TMEM154: variants seen among roughly 807,000 people sequenced by gnomAD.
TMEM154 encodes the protein transmembrane protein 154.
Under a neutral mutation model 24.5 loss-of-function variants are expected in TMEM154, and 27 were observed. The observed-to-expected ratio is 1.10, with a 90% CI of 0.81 to 1.52. The LOEUF (loss-of-function observed/expected upper bound fraction) is 1.52, where lower values mean the gene tolerates loss of function less well. Among genes scored for constraint, TMEM154 ranks in the 40% most tolerant of loss-of-function variants. The pLI, the probability that TMEM154 is intolerant of heterozygous loss-of-function variation, is 0.00. For synonymous variants in TMEM154, 67 were observed against 76.8 expected, an observed-to-expected ratio of 0.87 and a Z score of 0.67; for missense variants, 228 against 213.4, an observed-to-expected ratio of 1.07 and a Z score of -0.43.
chr4:152,663,705 A>T (rs1313019893), intron 1 of TMEM154, among the ~76,000 whole-genome samples: 1 of 152,198 alleles, frequency 6.6e-6, no homozygotes, highest in Non-Finnish European at 1.5e-5. Context: ...TTTTAAAGAG[A>T]TAATGGAAGT....
At chr4:152,647,446 C>T (rs1728274785) in intron 3 of TMEM154, 1 of 512,240 alleles carries the variant, frequency 2.0e-6, no homozygotes, top group South Asian at 8.3e-5. Flanking sequence ...TGTGTTAAAG[C>T]ATTGGCTGAT....
chr4:152,645,668 G>C (rs56269525), intron 3 of TMEM154, among the ~76,000 whole-genome samples: 2 of 152,200 alleles, frequency 1.3e-5, no homozygotes, highest in African/African-American at 4.8e-5. Flanking sequence ...GTCTGTCCTG[G>C]AGAAATGGAG....
rs765214930 is a variant in TMEM154, at chr4:152,621,927, C to G, written c.*6619G>C. On this transcript the variant is annotated 3_prime_UTR_variant, in exon 7 of 7. Transcript: ENST00000304385. ...CCGCCTCCCAGGTTCAAGCAATTCT[C>G]CTGCCTCAGCCTCCCGAATAGCTGG... 2 of 152,134 alleles carry G rather than the reference C, an allele frequency of 1.3e-5. No individual in the cohort carries two copies. The highest frequency in any genetic ancestry group is 2.4e-5 in the African/African-American group (1 of 41,402). 9.4% of individuals were successfully genotyped at this position (152,134 alleles called of 1,614,324 possible).
chr4:152,659,373 T>G (rs1579528495), intron 1 of TMEM154, among the ~76,000 whole-genome samples: 1 of 152,002 alleles, frequency 6.6e-6, no homozygotes, highest in Non-Finnish European at 1.5e-5. Flanking sequence ...GGTGTGTGGG[T>G]AAGAGTAGGG....
At position 152,679,898 on chromosome 4, in the gene TMEM154, C is replaced by T. The variant is rs761627599; in HGVS notation, c.36G>A (p.Leu12=). ...QAPRAALVFA[L]VIALVPVGRG... is the part of the protein sequence containing the mutation. ...GGCCGACGGGAACGAGCGCGATCAC[C>T]AGGGCGAAGACTAGGGCTGCGCGGG... The change falls in exon 1 of 7, where the codon CTG becomes CTA. Residue 12 remains leucine (L), a synonymous_variant. Transcript: ENST00000304385. 6.2e-7 allele frequency: 1 copy of T among 1,611,056 alleles called. No individual in the cohort carries two copies. The highest frequency in any genetic ancestry group is 8.5e-7 in the Non-Finnish European group (1 of 1,179,084).
intron 6 of TMEM154, among the ~76,000 whole-genome samples, chr4:152,639,253 A>G (rs917206605): frequency 2.0e-5 from 3 of 152,152 alleles, no homozygotes; most frequent in African/African-American, 7.2e-5. Context: ...GCCTGGCCAA[A>G]AATCTGATTT....
Position 152,628,200 on chromosome 4 carries a change from C to G in TMEM154, c.*346G>C, listed in dbSNP as rs544288646. ...CCTAAGGAATGAAGCAGAAAGGTGA[C>G]GAACATTTATCATGACCAGAGTGAG... On this transcript the variant is annotated 3_prime_UTR_variant, in exon 7 of 7. Coordinates refer to ENST00000304385, the MANE Select transcript of TMEM154 (RefSeq NM_152680.3). 393 of 314,360 alleles carry G rather than the reference C, an allele frequency of 1.3e-3. No individual in the cohort carries two copies. The highest frequency in any genetic ancestry group is 8.0e-3 in the African/African-American group (369 of 46,130). 19.5% of individuals were successfully genotyped at this position (314,360 alleles called of 1,614,324 possible). A position where few individuals can be genotyped will look rare whatever the true frequency, so the allele number is the denominator to read the frequency against.
In TMEM154 at chr4:152,679,971, C is replaced by G; in HGVS notation, c.-38G>C. 6.4e-7 allele frequency: 1 copy of G among 1,573,476 alleles called. No homozygotes were observed. Among genetic ancestry groups the G allele is most frequent in the Non-Finnish European group, 8.7e-7 (1 of 1,154,624 alleles). ...CGGCAGAGGCGCGCTCAGGATGCTG[C>G]GCCGGGCTGCAGCCTCTCTGAAACG... On this transcript the variant is annotated 5_prime_UTR_variant, in exon 1 of 7. Coordinates refer to ENST00000304385, the MANE Select transcript of TMEM154 (RefSeq NM_152680.3).
At chr4:152,656,840 G>A (rs952001754) in intron 1 of TMEM154, among the ~76,000 whole-genome samples, 8 of 151,984 alleles carry the variant, frequency 5.3e-5, no homozygotes, top group Non-Finnish European at 1.2e-4. Context: ...AGAATCGTTT[G>A]AACCTGGGAG....
At chr4:152,656,815 G>A (rs1728501043) in intron 1 of TMEM154, among the ~76,000 whole-genome samples, 1 of 151,976 alleles carries the variant, frequency 6.6e-6, no homozygotes, top group South Asian at 2.1e-4. Flanking sequence ...CAGTTACTCA[G>A]GAGGCTGAGG....
At chr4:152,679,816 C>A (rs1729025107) in intron 1 of TMEM154, 54 bp downstream of exon 1, 3 of 1,574,844 alleles carry the variant, frequency 1.9e-6, no homozygotes, top group East Asian at 2.3e-5. Context: ...CCTCGGGCAC[C>A]CTACCAGCTT....
Position 152,675,619 on chromosome 4 carries a change from C to G in TMEM154, c.64+4251G>C, listed in dbSNP as rs1358338270. ...TCCAGCCTGGGCAACGAGAGTGAAA[C>G]TCTGTCTCAAAAAGAAAAAAAAAAA... On this transcript the variant is annotated intron_variant, in intron 1 of 6. Transcript: ENST00000304385. Among the ~76,000 whole-genome samples, 5 of 151,670 alleles carry G rather than the reference C, an allele frequency of 3.3e-5. No homozygotes were observed. In the East Asian group the frequency reaches 9.6e-4, roughly 29 times the overall value.
chr4:152,664,175 C>T (rs1375062782), intron 1 of TMEM154, among the ~76,000 whole-genome samples: 2 of 152,140 alleles, frequency 1.3e-5, no homozygotes, highest in Non-Finnish European at 2.9e-5. Context: ...ACATATACAC[C>T]GTGGAATACT....
rs186360060 is a variant in TMEM154, at chr4:152,679,100, C to T, written c.64+770G>A. 7.8e-3 allele frequency among the ~76,000 whole-genome samples: 1,181 copies of T among 152,332 alleles called. 8 individuals carry two copies. The highest frequency in any genetic ancestry group is 0.025 in the South Asian group (122 of 4,826). ...TCAACAAGAGAGGCAGCTGAAGGTG[C>T]TTGTGCTTGTTGTAGCAACTGGCAA... On this transcript the variant is annotated intron_variant, in intron 1 of 6. Transcript: ENST00000304385.
At chr4:152,656,792 A>T (rs550526429) in intron 1 of TMEM154, among the ~76,000 whole-genome samples, 32 of 152,122 alleles carry the variant, frequency 2.1e-4, no homozygotes, top group Admixed American at 1.6e-3. Flanking sequence ...ATGGTGGTGC[A>T]TGCCTGTAAT....
At chr4:152,673,176 C>A (rs1728881455) in intron 1 of TMEM154, among the ~76,000 whole-genome samples, 1 of 152,154 alleles carries the variant, frequency 6.6e-6, no homozygotes, top group Non-Finnish European at 1.5e-5. Context: ...ATGTCTATGT[C>A]CCTAAGCAAT....
At chr4:152,664,258 G>A (rs28675827) in intron 1 of TMEM154, among the ~76,000 whole-genome samples, 13,104 of 151,988 alleles carry the variant, frequency 0.086, 631 homozygotes, top group African/African-American at 0.095. Context: ...ATCATTCGCA[G>A]CAAACTAACA....
chr4:152,619,041 C>A lies in TMEM154; in HGVS notation c.*9505G>T, dbSNP rs1190119735. ...AATTGGTTTTTCTGTTATTATGGAG[C>A]GTGCAGTAGCGCCAAGCACTTTTCA... On this transcript the variant is annotated 3_prime_UTR_variant, in exon 7 of 7. Coordinates refer to ENST00000304385, the MANE Select transcript of TMEM154 (RefSeq NM_152680.3). 1 of 152,170 alleles carries A rather than the reference C, an allele frequency of 6.6e-6. No individual in the cohort carries two copies. The highest frequency in any genetic ancestry group is 1.9e-4 in the East Asian group (1 of 5,200). The allele number at this position is 152,170 out of a possible 1,614,324, so 9.4% of individuals were successfully genotyped here. A position where few individuals can be genotyped will look rare whatever the true frequency, so the allele number is the denominator to read the frequency against.
Position 152,625,319 on chromosome 4 carries a change from C to CA in TMEM154, c.*3226dup, listed in dbSNP as rs1191323619. ...GACTTGGAACTTGGAAGGCCTACAC[C>CA]ACGAGGGCCAATTCTGCCATAAGCC... On this transcript the variant is annotated 3_prime_UTR_variant, in exon 7 of 7. Transcript: ENST00000304385. 6.3e-6 allele frequency: 1 copy of CA among 158,644 alleles called. No individual in the cohort carries two copies. Among genetic ancestry groups the CA allele is most frequent in the African/African-American group, 2.4e-5 (1 of 41,664 alleles). The allele number at this position is 158,644 out of a possible 1,614,324, so 9.8% of individuals were successfully genotyped here.
Sources: allele counts gnomAD v4.1 joint callset (sites outside exome capture counted in the v4.1 genomes callset), GRCh38; gene constraint gnomAD v4.1.1; transcripts MANE v1.5; gene names NCBI Gene and HGNC (gene_info 2026-07-23, HGNC 2026-07-21).